Variants in KLHL4 observed in about 807,000 individuals in gnomAD.
The protein encoded by KLHL4 is kelch like family member 4.
Under a neutral mutation model 45.8 loss-of-function variants are expected in KLHL4, and 17 were observed. The ratio of observed to expected loss-of-function variants is 0.37; its 90% CI spans 0.25 to 0.56. KLHL4 has a LOEUF of 0.56. Ranked by LOEUF, KLHL4 falls within the 20% of genes least tolerant of loss-of-function variation. The pLI is 0.79. For synonymous variants in KLHL4, 224 were observed against 189.9 expected (o/e 1.18, Z -1.47); for missense variants, 544 against 544.9 (o/e 1.00, Z 0.02).
chrX:87,553,127 A>G (rs1404374187), intron 1 of KLHL4, among the ~76,000 whole-genome samples: 1 of 110,606 alleles, frequency 9.0e-6, no homozygotes, highest in African/African-American at 3.3e-5. Context: ...AGTAATATTA[A>G]AAAATGATAA....
At chrX:87,561,640 G>A (rs1411509432) in intron 1 of KLHL4, among the ~76,000 whole-genome samples, 1 of 111,076 alleles carries the variant, frequency 9.0e-6, no homozygotes, top group Non-Finnish European at 1.9e-5. Flanking sequence ...TGGACTTGGG[G>A]TGGATGCAAC....
intron 9 of KLHL4, among the ~76,000 whole-genome samples, chrX:87,646,492 C>G (rs748619918): frequency 4.5e-5 from 5 of 111,683 alleles, no homozygotes; most frequent in Non-Finnish European, 9.4e-5. Context: ...CAACTTCAAA[C>G]TATACTATAA....
At chrX:87,620,957 T>G (rs1178478351) in intron 4 of KLHL4, among the ~76,000 whole-genome samples, 1 of 112,718 alleles carries the variant, frequency 8.9e-6, no homozygotes, top group Non-Finnish European at 1.9e-5. Flanking sequence ...CAGAGACATC[T>G]GCTACAGTAA....
chrX:87,573,828 G>C (rs2147791275), intron 1 of KLHL4, among the ~76,000 whole-genome samples: 1 of 111,591 alleles, frequency 9.0e-6, no homozygotes, highest in African/African-American at 3.2e-5. Flanking sequence ...ATAAAGGAAA[G>C]TCTTAAAATA....
chrX:87,537,805 T>C (rs1931467541), intron 1 of KLHL4, among the ~76,000 whole-genome samples: 1 of 111,249 alleles, frequency 9.0e-6, no homozygotes, highest in South Asian at 3.8e-4. Flanking sequence ...AAGAGGGATA[T>C]TGGAAATTTT....
intron 1 of KLHL4, among the ~76,000 whole-genome samples, chrX:87,551,653 T>C (rs1931826976): frequency 9.5e-6 from 1 of 105,519 alleles, no homozygotes; most frequent in Non-Finnish European, 1.9e-5. Context: ...TTTCAAACTA[T>C]ACTATAAGGC....
intron 1 of KLHL4, among the ~76,000 whole-genome samples, chrX:87,547,130 G>A (rs72633202): frequency 0.22 from 24,554 of 110,636 alleles, 2,053 homozygotes; most frequent in Non-Finnish European, 0.26. Flanking sequence ...GTGGAGCCTG[G>A]GCAGAATAAT....
intron 1 of KLHL4, among the ~76,000 whole-genome samples, chrX:87,534,282 C>G (rs1042236961): frequency 9.1e-6 from 1 of 110,419 alleles, no homozygotes; most frequent in Non-Finnish European, 1.9e-5. Flanking sequence ...ATTCAGTATC[C>G]AGTATCACAG....
At chrX:87,594,095 G>T (rs1192455366) in intron 1 of KLHL4, among the ~76,000 whole-genome samples, 1 of 110,910 alleles carries the variant, frequency 9.0e-6, no homozygotes, top group Non-Finnish European at 1.9e-5. Flanking sequence ...CTTTATATGG[G>T]ACTGAAAACA....
At chrX:87,657,019 AT>A (rs1486226933) in intron 9 of KLHL4, among the ~76,000 whole-genome samples, 2 of 112,033 alleles carry the variant, frequency 1.8e-5, no homozygotes, top group East Asian at 2.8e-4. Flanking sequence ...GCCAGTTGTC[AT>A]AGCAATATTC....
rs1053327062 is a variant in KLHL4 at position 87,566,593 on chromosome X, T to C, written c.423-47284T>C. 3.6e-5 allele frequency among the ~76,000 whole-genome samples: 4 copies of C among 111,723 alleles called. No individual in the cohort carries two copies. The Admixed American group carries it at 3.8e-4, about 11-fold the overall frequency. The stretch of plus-strand genomic sequence containing the variant: ...CTGAAAGTGAAAAATAAAATTGTTT[T>C]ATGGATACTTGAAGTACAGTTGCTA... On this transcript the variant is annotated intron_variant, in intron 1 of 10. Coordinates refer to ENST00000373119, the MANE Select transcript of KLHL4 (RefSeq NM_019117.5).
chrX:87,554,907 A>G (rs1415435444), intron 1 of KLHL4, among the ~76,000 whole-genome samples: 6 of 105,422 alleles, frequency 5.7e-5, no homozygotes, highest in African/African-American at 2.1e-4. Flanking sequence ...TACCTAATTT[A>G]TTGAGAGTTT....
chrX:87,605,140 A>T (rs1340156419), intron 1 of KLHL4, among the ~76,000 whole-genome samples: 1 of 111,584 alleles, frequency 9.0e-6, no homozygotes, highest in Non-Finnish European at 1.9e-5. Flanking sequence ...TTTAATACCA[A>T]TATCATACTT....
At chrX:87,531,393 GT>G (rs1931273483) in intron 1 of KLHL4, among the ~76,000 whole-genome samples, 1 of 111,394 alleles carries the variant, frequency 9.0e-6, no homozygotes, top group African/African-American at 3.3e-5. Flanking sequence ...GGTTTGTATG[GT>G]TTTAGGTCTA....
At position 87,666,617 on chromosome X, in the gene KLHL4, C is replaced by A. The variant is rs2147845933; in HGVS notation, c.*83C>A. 9.7e-7 allele frequency: 1 copy of A among 1,025,666 alleles called. No individual in the cohort carries two copies. The highest frequency in any genetic ancestry group is 1.3e-6 in the Non-Finnish European group (1 of 793,342). The allele number at this position is 1,025,666 out of a possible 1,213,427, so 84.5% of individuals were successfully genotyped here. ...ACAAAGGGAGAAAGAAATACATGTT[C>A]TTTTTCCTGCAATTAATAATCAGAC... is the stretch of plus-strand genomic sequence containing the variant. On this transcript the variant is annotated 3_prime_UTR_variant, in exon 11 of 11. Coordinates refer to ENST00000373119, the MANE Select transcript of KLHL4 (RefSeq NM_019117.5).
chrX:87,657,199 G>A (rs1924021588), intron 9 of KLHL4, among the ~76,000 whole-genome samples: 1 of 112,297 alleles, frequency 8.9e-6, no homozygotes, highest in Non-Finnish European at 1.9e-5. Context: ...GGTGGTGGTA[G>A]CAGATGGGTT....
chrX:87,628,484 GA>G (rs1409253182), intron 6 of KLHL4, among the ~76,000 whole-genome samples: 5 of 111,931 alleles, frequency 4.5e-5, no homozygotes, highest in African/African-American at 1.6e-4. Context: ...GTATGACATT[GA>G]AAAATGTACT....
chrX:87,650,417 C>T (rs1923773097), intron 9 of KLHL4, among the ~76,000 whole-genome samples: 1 of 112,265 alleles, frequency 8.9e-6, no homozygotes, highest in African/African-American at 3.2e-5. Context: ...GATATCTTAA[C>T]AATATTAAGG....
chrX:87,633,382 T>A (rs763017424), intron 7 of KLHL4, among the ~76,000 whole-genome samples: 29 of 111,962 alleles, frequency 2.6e-4, no homozygotes, highest in Non-Finnish European at 4.9e-4. Context: ...CTAAGGTTTA[T>A]CTAAGAATCA....
Sources: allele counts gnomAD v4.1 joint callset (sites outside exome capture counted in the v4.1 genomes callset), GRCh38; gene constraint gnomAD v4.1.1; transcripts MANE v1.5; gene names NCBI Gene and HGNC (gene_info 2026-07-23, HGNC 2026-07-21).